ZNF276: variants seen among roughly 807,000 people sequenced by gnomAD.
ZNF276 encodes centromere protein Z.
ZNF276 carries 59 observed loss-of-function variants against 63.9 expected under a neutral mutation model. That is an observed-to-expected ratio of 0.92 (90% CI 0.75 to 1.15). The LOEUF (loss-of-function observed/expected upper bound fraction) is 1.15, where lower values mean the gene tolerates loss of function less well. ZNF276 is among the 50% of genes most tolerant of loss of function. ZNF276 has a pLI of 0.00. For synonymous variants in ZNF276, 496 were observed against 348.4 expected (o/e 1.42, Z -4.72); for missense variants, 1,084 against 843.8 (o/e 1.28, Z -3.53).
In ZNF276 at chr16:89,721,560, C is replaced by A. The variant is rs147792551; in HGVS notation, c.-81C>A. 11 of 1,356,898 alleles carry A rather than the reference C, an allele frequency of 8.1e-6. No individual in the cohort carries two copies. The highest frequency in any genetic ancestry group is 1.1e-5 in the Non-Finnish European group (11 of 1,031,558). 84.1% of individuals were successfully genotyped at this position (1,356,898 alleles called of 1,614,324 possible). A position where few individuals can be genotyped will look rare whatever the true frequency, so the allele number is the denominator to read the frequency against. The stretch of plus-strand genomic sequence containing the variant: ...CCGCCCCGCCTCGCTTCCAGCGCGC[C>A]GAGCGGAGCCTAACGCCGGGTCCTC... On this transcript the variant is annotated 5_prime_UTR_variant, in exon 1 of 11. Transcript: ENST00000443381.
At chr16:89,723,001 G>A in intron 2 of ZNF276, 136 bp from the exon 3 acceptor site, 1 of 1,586,306 alleles carries the variant, frequency 6.3e-7, no homozygotes. Flanking sequence ...AGATGAACTG[G>A]GAGGAGCTGG....
chr16:89,734,392 C>T (rs1351661021), intron 9 of ZNF276, among the ~76,000 whole-genome samples: 1 of 152,154 alleles, frequency 6.6e-6, no homozygotes, highest in Non-Finnish European at 1.5e-5. Context: ...GTGGCACCAT[C>T]TTGGCTCACC....
chr16:89,736,063 T>A (rs1485624116), intron 9 of ZNF276, among the ~76,000 whole-genome samples: 12 of 151,984 alleles, frequency 7.9e-5, no homozygotes, highest in Non-Finnish European at 1.6e-4. Flanking sequence ...AACTAATTTT[T>A]CGTATTTTCA....
rs17227438 is a variant in ZNF276 at position 89,737,947 on chromosome 16, G to A, written c.1575-29G>A. On this transcript the variant is annotated intron_variant, in intron 10 of 10. Coordinates refer to ENST00000443381, the MANE Select transcript of ZNF276 (RefSeq NM_001113525.2). ...ACCCCCTCCCAGGGCTGTGGCCCTC[G>A]CACCTTCTTATCTGCCTCTGTCCCC... is the stretch of plus-strand genomic sequence containing the variant. The A allele has an allele frequency of 1.5e-3, 2,446 of 1,614,022 alleles. 29 individuals carry two copies. The highest frequency in any genetic ancestry group is 5.4e-3 in the Middle Eastern group (33 of 6,062).
chr16:89,734,246 C>T (rs902066996), intron 9 of ZNF276, among the ~76,000 whole-genome samples: 1 of 152,346 alleles, frequency 6.6e-6, no homozygotes, highest in Admixed American at 6.5e-5. Flanking sequence ...GAAGGAATTC[C>T]TGACTTCCCC....
intron 9 of ZNF276, among the ~76,000 whole-genome samples, chr16:89,735,032 G>A (rs903203799): frequency 6.6e-6 from 1 of 151,814 alleles, no homozygotes; most frequent in African/African-American, 2.4e-5. Context: ...GGTGGCACAC[G>A]CCTGTAGGCA....
Position 89,733,976 on chromosome 16 carries a change from G to C in ZNF276, c.1412G>C (p.Gly471Ala). The C allele has an allele frequency of 6.2e-7, 1 of 1,614,048 alleles. No homozygotes were observed. Among genetic ancestry groups the C allele is most frequent in the Non-Finnish European group, 8.5e-7 (1 of 1,180,014 alleles). ...CGGGAGCGGCCCTGCCCCCACCCTGGCTGCAACAAGGTTTTCATGATCGAC... is the reference window on the plus strand; with the variant it reads ...CGGGAGCGGCCCTGCCCCCACCCTGCCTGCAACAAGGTTTTCATGATCGAC... The part of the protein sequence containing the change: ...EVRERPCPHP[G>A]CNKVFMIDRY... The change falls in exon 9 of 11, where the codon GGC becomes GCC. Residue 471 changes from glycine to alanine, a missense_variant. Gly to Ala is a moderately conservative substitution (Grantham distance 60, BLOSUM62 0). Transcript: ENST00000443381.
At position 89,738,503 on chromosome 16, in the gene ZNF276, G is replaced by C. The variant is rs1292978855; in HGVS notation, c.*257G>C. ...CTTTCCCCACTAAAGCAGTCGAGGA[G>C]ATTTGTAATCCACTTTTTAGTGCAA... On this transcript the variant is annotated 3_prime_UTR_variant, in exon 11 of 11. Transcript: ENST00000443381. 6 of 1,567,744 alleles carry C rather than the reference G, an allele frequency of 3.8e-6. No individual in the cohort carries two copies. The highest frequency in any genetic ancestry group is 2.3e-4 in the Middle Eastern group (1 of 4,424).
intron 6 of ZNF276, among the ~76,000 whole-genome samples, chr16:89,730,983 G>C (rs556064525): frequency 1.3e-5 from 2 of 152,254 alleles, no homozygotes; most frequent in Admixed American, 1.3e-4. Context: ...CTGACAGGCA[G>C]CAGTGAGGCC....
intron 1 of ZNF276, 90 bp downstream of exon 1, chr16:89,721,935 C>T (rs2061296030): frequency 4.3e-6 from 4 of 922,350 alleles, no homozygotes; most frequent in Non-Finnish European, 5.6e-6. Context: ...GCCGGCGCGG[C>T]CTCTCCTCCA....
In ZNF276 at chr16:89,740,008, T is replaced by G; in HGVS notation, c.*1762T>G. 2 of 1,614,162 alleles carry G rather than the reference T, an allele frequency of 1.2e-6. No homozygotes were observed. Among genetic ancestry groups the G allele is most frequent in the Non-Finnish European group, 1.7e-6 (2 of 1,179,982 alleles). ...GTGTTTCTTACCACTCTCTGTCAACTGAAAGAGTGCCAGCCAGGATATCTT... is the reference window on the plus strand; with the variant it reads ...GTGTTTCTTACCACTCTCTGTCAACGGAAAGAGTGCCAGCCAGGATATCTT... On this transcript the variant is annotated 3_prime_UTR_variant, in exon 11 of 11. Transcript: ENST00000443381.
intron 8 of ZNF276, 29 bp downstream of exon 8, chr16:89,733,586 C>G: frequency 6.2e-7 from 1 of 1,611,184 alleles, no homozygotes; most frequent in Non-Finnish European, 8.5e-7. Flanking sequence ...TGACCCAGGC[C>G]CGGCAGCTGT....
rs1217488788 is a variant in ZNF276, at chr16:89,739,570, T to C, written c.*1324T>C. ...GCCTGAGGTCTGCAACACCAAGAAG[T>C]GGCTCAGGCAACTCTGGACATCTCT... On this transcript the variant is annotated 3_prime_UTR_variant, in exon 11 of 11. Transcript: ENST00000443381. The C allele has an allele frequency of 6.4e-7, 1 of 1,550,550 alleles. No individual in the cohort carries two copies. Among genetic ancestry groups the C allele is most frequent in the Admixed American group, 2.0e-5 (1 of 50,994 alleles).
chr16:89,737,808 G>A lies in ZNF276; in HGVS notation c.1477G>A (p.Val493Met), dbSNP rs1416693417. The A allele has an allele frequency of 1.2e-6, 2 of 1,614,082 alleles. No homozygotes were observed. Among genetic ancestry groups the A allele is most frequent in the African/African-American group, 2.7e-5 (2 of 74,942 alleles). The change falls in exon 10 of 11, where the codon GTG becomes ATG. Residue 493 changes from valine to methionine, a missense_variant and splice_region_variant. Val to Met is a conservative substitution (Grantham distance 21). Transcript: ENST00000443381. ...QRHVKLIHTEVRNYICDECGQ... is the reference protein window; with the variant it reads ...QRHVKLIHTEMRNYICDECGQ... Reference sequence around the variant, plus strand: ...CTCACTGGACTCTCCCCTCTCAGAGGTGCGGAACTATATCTGTGACGAATG... The same window carrying A: ...CTCACTGGACTCTCCCCTCTCAGAGATGCGGAACTATATCTGTGACGAATG...
rs1338455650 is a variant in ZNF276 at position 89,733,503 on chromosome 16, C to A, written c.1302C>A (p.Tyr434Ter). ...RCEREELPTI[Y>*]KCPYQGCTAV... ...GCAGGGAGGAGCTTCCCACCATCTACAAGTGTCCTTACCAGGGCTGCACGG... is the reference window on the plus strand; with the variant it reads ...GCAGGGAGGAGCTTCCCACCATCTAAAAGTGTCCTTACCAGGGCTGCACGG... Residue 434 changes from tyrosine to a stop codon, truncating the protein, a stop_gained, in exon 8 of 11, where the codon TAC becomes TAA. Coordinates refer to ENST00000443381, the MANE Select transcript of ZNF276 (RefSeq NM_001113525.2). LOFTEE classifies it high-confidence loss of function. The A allele has an allele frequency of 6.2e-7, 1 of 1,614,092 alleles. No individual in the cohort carries two copies. Among genetic ancestry groups the A allele is most frequent in the African/African-American group, 1.3e-5 (1 of 74,942 alleles).
chr16:89,733,102 C>T lies in ZNF276; in HGVS notation c.1170-200C>T, dbSNP rs528391507. 3.1e-5 allele frequency: 19 copies of T among 603,462 alleles called. 1 individual carries two copies. In the East Asian group the frequency reaches 5.5e-4, roughly 17 times the overall value. 37.4% of individuals were successfully genotyped at this position (603,462 alleles called of 1,614,324 possible). On this transcript the variant is annotated intron_variant, in intron 6 of 10. Coordinates refer to ENST00000443381, the MANE Select transcript of ZNF276 (RefSeq NM_001113525.2). ...GACCCTGCTGTGTCCTGCGCCCTTG[C>T]CCTCTGCTGTGCTCGCCCCTGAGGC...
At position 89,740,761 on chromosome 16, in the gene ZNF276, C is replaced by T; in HGVS notation, c.*2515C>T. The T allele has an allele frequency of 6.3e-7, 1 of 1,582,250 alleles. No homozygotes were observed. The highest frequency in any genetic ancestry group is 8.7e-7 in the Non-Finnish European group (1 of 1,153,412). Reference sequence around the variant, plus strand: ...TGGCTGCCTGGTGCCCCTGCCTGGCCCACAGTGGGAGAGGACACCTTGGCT... The same window carrying T: ...TGGCTGCCTGGTGCCCCTGCCTGGCTCACAGTGGGAGAGGACACCTTGGCT... On this transcript the variant is annotated 3_prime_UTR_variant, in exon 11 of 11. Coordinates refer to ENST00000443381, the MANE Select transcript of ZNF276 (RefSeq NM_001113525.2).
chr16:89,734,014 C>A lies in ZNF276; in HGVS notation c.1450C>A (p.Arg484Ser). The change falls in exon 9 of 11, where the codon CGC becomes AGC. Residue 484 changes from arginine to serine, a missense_variant. Coordinates refer to ENST00000443381, the MANE Select transcript of ZNF276 (RefSeq NM_001113525.2). ...TTTCATGATCGACCGCTACCTGCAG[C>A]GCCACGTGAAGCTCATCCACACAGG... ...KVFMIDRYLQRHVKLIHTEVR... is the reference protein window; with the variant it reads ...KVFMIDRYLQSHVKLIHTEVR... 2 of 1,614,072 alleles carry A rather than the reference C, an allele frequency of 1.2e-6. No homozygotes were observed.
intron 5 of ZNF276, among the ~76,000 whole-genome samples, chr16:89,728,305 A>G (rs1333862085): frequency 1.3e-5 from 2 of 151,634 alleles, no homozygotes; most frequent in Non-Finnish European, 2.9e-5. Context: ...GCTCACTGCA[A>G]ACTCCACCTC....
Sources: gnomAD v4.1 joint callset for allele counts (sites outside exome capture counted in the v4.1 genomes callset) on GRCh38, gnomAD v4.1.1 for gene constraint, MANE v1.5 for transcripts, NCBI Gene and HGNC (gene_info 2026-07-23, HGNC 2026-07-21) for gene names.